Variants in PTPRG observed in about 807,000 individuals in gnomAD.
PTPRG encodes the protein protein tyrosine phosphatase receptor type G, also known as receptor-type tyrosine-protein phosphatase gamma.
Under a neutral mutation model 165.3 loss-of-function variants are expected in PTPRG, and 102 were observed. The ratio of observed to expected loss-of-function variants is 0.62; its 90% CI spans 0.53 to 0.73. The LOEUF is 0.73. Among genes scored for constraint, PTPRG ranks in the 30% least tolerant of loss-of-function variants. The pLI, the probability that PTPRG is intolerant of heterozygous loss-of-function variation, is 0.00. For synonymous variants in PTPRG, 675 were observed against 669.5 expected (o/e 1.01, Z -0.13); for missense variants, 1,866 against 1,861.4 (o/e 1.00, Z -0.05).
At chr3:62,057,869 G>C (rs1159216433) in intron 4 of PTPRG, among the ~76,000 whole-genome samples, 3 of 152,190 alleles carry the variant, frequency 2.0e-5, no homozygotes, top group Admixed American at 6.5e-5. Flanking sequence ...AACAAAAACA[G>C]GGTATTTCCG....
chr3:61,837,563 C>G (rs190012834), intron 2 of PTPRG, among the ~76,000 whole-genome samples: 1 of 152,100 alleles, frequency 6.6e-6, no homozygotes, highest in Non-Finnish European at 1.5e-5. Flanking sequence ...TAGACAAGAG[C>G]GGATCAGCAG....
chr3:62,027,679 C>T (rs926687719), intron 4 of PTPRG, among the ~76,000 whole-genome samples: 1 of 152,184 alleles, frequency 6.6e-6, no homozygotes, highest in African/African-American at 2.4e-5. Flanking sequence ...AGATTTTAAC[C>T]TAGTCAGAAG....
chr3:61,879,406 A>C (rs2037827264), intron 2 of PTPRG, among the ~76,000 whole-genome samples: 1 of 152,050 alleles, frequency 6.6e-6, no homozygotes, highest in African/African-American at 2.4e-5. Context: ...GGTTTTCTGT[A>C]GTTTTCAGTG....
At chr3:62,126,011 CTT>C (rs1703278768) in intron 5 of PTPRG, among the ~76,000 whole-genome samples, 1 of 152,226 alleles carries the variant, frequency 6.6e-6, no homozygotes, top group Admixed American at 6.5e-5. Context: ...TCCTCCCTCT[CTT>C]CTGCTCTGGC....
At chr3:61,934,553 G>GCT (rs2039439226) in intron 2 of PTPRG, among the ~76,000 whole-genome samples, 1 of 151,944 alleles carries the variant, frequency 6.6e-6, no homozygotes, top group Non-Finnish European at 1.5e-5. Context: ...CGCCTATCTT[G>GCT]CTCCTGTGTT....
At chr3:61,718,229 AC>A (rs1180988986) in intron 1 of PTPRG, among the ~76,000 whole-genome samples, 1 of 151,196 alleles carries the variant, frequency 6.6e-6, no homozygotes, top group Non-Finnish European at 1.5e-5. Flanking sequence ...AAAAAAAAAA[AC>A]GCAGACTCAG....
rs1020436388 is a variant in PTPRG at position 62,273,858 on chromosome 3, A to G, written c.3465+14A>G. 4.3e-6 allele frequency: 7 copies of G among 1,611,066 alleles called. No individual in the cohort carries two copies. Among genetic ancestry groups the G allele is most frequent in the Non-Finnish European group, 5.9e-6 (7 of 1,178,058 alleles). On this transcript the variant is annotated intron_variant, in intron 23 of 29. Coordinates refer to ENST00000474889, the MANE Select transcript of PTPRG (RefSeq NM_002841.4). The surrounding 1 kb of genome is among the most constrained non-coding windows in gnomAD (Gnocchi z 4.1). ...AAGCAATTCAAGGTAGTGCTTTGAA[A>G]AAGTTTCTTTGGCATAAAGCAAGAA...
chr3:61,754,977 C>G (rs1025999438), intron 2 of PTPRG, among the ~76,000 whole-genome samples: 1 of 151,614 alleles, frequency 6.6e-6, no homozygotes, highest in African/African-American at 2.4e-5. Context: ...CTAATAGAGA[C>G]CTCCTTCTTC....
intron 2 of PTPRG, among the ~76,000 whole-genome samples, chr3:61,802,643 A>C (rs2035284099): frequency 6.6e-6 from 1 of 152,018 alleles, no homozygotes; most frequent in Non-Finnish European, 1.5e-5. Context: ...CATTCTCAAA[A>C]TTGATTTGGT....
chr3:61,807,208 G>C (rs1025918126), intron 2 of PTPRG, among the ~76,000 whole-genome samples: 2 of 151,898 alleles, frequency 1.3e-5, no homozygotes, highest in African/African-American at 4.8e-5. Context: ...ATTGGTCAGG[G>C]GAAAAATGGG....
chr3:61,841,177 T>TA (rs2036621811), intron 2 of PTPRG, among the ~76,000 whole-genome samples: 1 of 152,210 alleles, frequency 6.6e-6, no homozygotes, highest in South Asian at 2.1e-4. Context: ...TTGGGACCGT[T>TA]ATAGAAGTTT....
chr3:62,209,181 C>G (rs1386945246), intron 12 of PTPRG, among the ~76,000 whole-genome samples: 1 of 152,156 alleles, frequency 6.6e-6, no homozygotes. Context: ...GTCCTTCTCC[C>G]TAGGAACATT....
chr3:62,055,366 G>C (rs1290653234), intron 4 of PTPRG, among the ~76,000 whole-genome samples: 1 of 152,206 alleles, frequency 6.6e-6, no homozygotes, highest in East Asian at 1.9e-4. Context: ...GGCTGGGCAT[G>C]CTAATGAGAG....
At chr3:61,785,071 T>C (rs897172393) in intron 2 of PTPRG, among the ~76,000 whole-genome samples, 6 of 152,230 alleles carry the variant, frequency 3.9e-5, no homozygotes, top group African/African-American at 1.4e-4. Context: ...AAAAAGAGGC[T>C]AATTACATGC....
intron 4 of PTPRG, among the ~76,000 whole-genome samples, chr3:62,052,127 G>A (rs2106655412): frequency 6.6e-6 from 1 of 152,286 alleles, no homozygotes; most frequent in East Asian, 1.9e-4. Flanking sequence ...TTTTATATAT[G>A]TCTTCTCTCA....
intron 1 of PTPRG, among the ~76,000 whole-genome samples, chr3:61,642,867 T>C (rs1424672704): frequency 6.6e-6 from 1 of 152,178 alleles, no homozygotes; most frequent in Non-Finnish European, 1.5e-5. Context: ...GCATGAGACA[T>C]CGACACTTGG....
intron 2 of PTPRG, among the ~76,000 whole-genome samples, chr3:61,800,959 T>A (rs2035211420): frequency 6.6e-6 from 1 of 152,120 alleles, no homozygotes; most frequent in African/African-American, 2.4e-5. Context: ...CTCTGCACAG[T>A]ACCTTTAAGG....
intron 14 of PTPRG, among the ~76,000 whole-genome samples, chr3:62,235,533 G>T (rs1219134947): frequency 6.6e-6 from 1 of 152,202 alleles, no homozygotes; most frequent in African/African-American, 2.4e-5. Flanking sequence ...CTAGGTATCT[G>T]CAAGGATTTC....
Position 62,227,830 on chromosome 3 carries a change from T to C in PTPRG, c.2289-3395T>C, listed in dbSNP as rs990856469. On this transcript the variant is annotated intron_variant, in intron 13 of 29. Transcript: ENST00000474889. ...AAACTGGTGGCCTCCAGACCAATTT[T>C]ATTTAGCTAACATGTTTTTTTAAAA... Among the ~76,000 whole-genome samples the C allele has an allele frequency of 7.9e-5, 12 of 152,210 alleles. 1 individual carries two copies. In the South Asian group the frequency reaches 1.7e-3, roughly 21 times the overall value.
Sources: gnomAD v4.1 joint callset for allele counts (sites outside exome capture counted in the v4.1 genomes callset) on GRCh38, gnomAD v4.1.1 for gene constraint, Gnocchi (gnomAD v3.1) non-coding constraint, MANE v1.5 for transcripts, NCBI Gene and HGNC (gene_info 2026-07-23, HGNC 2026-07-21) for gene names.